RECQL5: variants seen among roughly 807,000 people sequenced by gnomAD.
The protein encoded by RECQL5 is RecQ like helicase 5.
A neutral mutation model predicts 103.4 loss-of-function variants in RECQL5; 88 were observed. That is an observed-to-expected ratio of 0.85 (90% confidence interval 0.72 to 1.02). The LOEUF (loss-of-function observed/expected upper bound fraction) is 1.02. Ranked by LOEUF, RECQL5 falls within the 50% of genes least tolerant of loss-of-function variation. The pLI is 0.00. For missense variants in RECQL5, 1,232 were observed against 1,284.3 expected (o/e 0.96, Z 0.62); for synonymous variants, 552 against 507.9 (o/e 1.09, Z -1.17).
intron 14 of RECQL5, 59 bp from the exon 15 acceptor site, chr17:75,629,901 C>T: frequency 6.5e-7 from 1 of 1,539,068 alleles, no homozygotes; most frequent in Admixed American, 2.0e-5. Context: ...ACATGCCCCA[C>T]CTAGCCCTCC....
intron 8 of RECQL5, among the ~76,000 whole-genome samples, chr17:75,645,794 G>T (rs1403176008): frequency 6.6e-6 from 1 of 152,134 alleles, no homozygotes; most frequent in Non-Finnish European, 1.5e-5. Flanking sequence ...AATCACCTGG[G>T]GATGTGTAAA....
chr17:75,661,209 C>T (rs1003589240), intron 5 of RECQL5, 143 bp from the exon 6 acceptor site: 31 of 678,880 alleles, frequency 4.6e-5, no homozygotes, highest in Non-Finnish European at 7.1e-5. Context: ...TAACATCAGG[C>T]GCTTAACTTT....
At chr17:75,645,854 G>A (rs917062622) in intron 8 of RECQL5, among the ~76,000 whole-genome samples, 11 of 152,262 alleles carry the variant, frequency 7.2e-5, no homozygotes, top group Non-Finnish European at 1.2e-4. Context: ...GGTACCAGGT[G>A]GGGCCTGGGC....
At chr17:75,666,899 A>G in intron 1 of RECQL5, 145 bp downstream of exon 1, 1 of 273,324 alleles carries the variant, frequency 3.7e-6, no homozygotes, top group South Asian at 4.4e-5. Flanking sequence ...AAGATCCACC[A>G]CCTGCTCCTA....
chr17:75,663,562 T>C (rs2059726970), intron 3 of RECQL5, among the ~76,000 whole-genome samples: 1 of 152,136 alleles, frequency 6.6e-6, no homozygotes, highest in African/African-American at 2.4e-5. Context: ...ATTTTTGCTT[T>C]AGGGATGCTC....
intron 1 of RECQL5, 88 bp from the exon 2 acceptor site, chr17:75,666,659 A>T: frequency 7.7e-7 from 1 of 1,293,392 alleles, no homozygotes; most frequent in Non-Finnish European, 1.1e-6. Context: ...TTTCTGTAAC[A>T]ATTTGCTATA....
chr17:75,634,358 C>T, intron 8 of RECQL5: 3 of 557,132 alleles, frequency 5.4e-6, no homozygotes, highest in Non-Finnish European at 6.8e-6. Context: ...CAGCCTCCTG[C>T]ACACACCTGC....
rs563953163 is a variant in RECQL5 at position 75,661,014 on chromosome 17, C to T, written c.927G>A (p.Lys309=). The part of the protein sequence containing the change: ...TLVQNDWMEE[K]VPVIVATISF... ...TAATGGTTGCAACAATTACAGGGAC[C>T]TTCTCCTCCATCCAGTCGTTCTGCA... The change falls in exon 6 of 20, where the codon AAG becomes AAA. Residue 309 remains lysine (K), a synonymous_variant. Coordinates refer to ENST00000317905, the MANE Select transcript of RECQL5 (RefSeq NM_004259.7). 6.2e-6 allele frequency: 10 copies of T among 1,614,204 alleles called. No homozygotes were observed. In the South Asian group the frequency reaches 1.1e-4, roughly 18 times the overall value.
chr17:75,641,515 TGGAAAACCACGC>T (rs1361990061), intron 8 of RECQL5: 4 of 152,614 alleles, frequency 2.6e-5, no homozygotes, highest in Non-Finnish European at 5.9e-5. Context: ...CCACGAAAGC[TGGAAAACCACGC>T]AGAGAAGCAT....
chr17:75,641,197 T>C (rs2059429102), intron 8 of RECQL5: 1 of 349,252 alleles, frequency 2.9e-6, no homozygotes, highest in Non-Finnish European at 5.4e-6. Flanking sequence ...AACAAGGAAG[T>C]AGGGGTCCCC....
Position 75,630,963 on chromosome 17 carries a change from T to A in RECQL5, c.1585+11A>T. ...GAGCCCACAAGCCTCCAGGAACATT[T>A]CTGTACTGACCTGGGGGTACAAATT... On this transcript the variant is annotated intron_variant, in intron 11 of 19. Transcript: ENST00000317905. 1.9e-6 allele frequency: 3 copies of A among 1,613,496 alleles called. No individual in the cohort carries two copies. The African/African-American group carries it at 4.0e-5, about 22-fold the overall frequency.
Position 75,661,017 on chromosome 17 carries a change from C to T in RECQL5, c.924G>A (p.Glu308=), listed in dbSNP as rs1242308713. ...TGGTTGCAACAATTACAGGGACCTT[C>T]TCCTCCATCCAGTCGTTCTGCACCA... The part of the protein sequence containing the change: ...RTLVQNDWME[E]KVPVIVATIS... The change falls in exon 6 of 20, where the codon GAG becomes GAA. Residue 308 remains glutamate, a synonymous_variant. Coordinates refer to ENST00000317905, the MANE Select transcript of RECQL5 (RefSeq NM_004259.7). 1.2e-6 allele frequency: 2 copies of T among 1,614,218 alleles called. No individual in the cohort carries two copies. The highest frequency in any genetic ancestry group is 1.1e-5 in the South Asian group (1 of 91,086).
chr17:75,628,351 T>TGG lies in RECQL5; in HGVS notation c.2671_2672insCC (p.Glu891AlafsTer6), dbSNP rs1350721423. 2 of 1,614,048 alleles carry TGG rather than the reference T, an allele frequency of 1.2e-6. No individual in the cohort carries two copies. Among genetic ancestry groups the TGG allele is most frequent in the Non-Finnish European group, 8.5e-7 (1 of 1,180,034 alleles). On this transcript the variant is annotated frameshift_variant, in exon 18 of 20. Coordinates refer to ENST00000317905, the MANE Select transcript of RECQL5 (RefSeq NM_004259.7). LOFTEE classifies it high-confidence loss of function. Reference sequence around the variant, plus strand: ...AGCCGTGGGATTCAAGGTGCCCTGTTCGCTGGCCGAGACGCTGCCCTTGAC... The same window carrying TGG: ...AGCCGTGGGATTCAAGGTGCCCTGTTGGCGCTGGCCGAGACGCTGCCCTTGAC...
intron 7 of RECQL5, among the ~76,000 whole-genome samples, chr17:75,656,468 T>A: frequency 6.6e-6 from 1 of 151,402 alleles, no homozygotes. Flanking sequence ...TAAATTAAGT[T>A]TTTTTTTTGT....
chr17:75,630,861 T>C (rs1234031313), intron 11 of RECQL5, 24 bp from the exon 12 acceptor site: 2 of 1,470,130 alleles, frequency 1.4e-6, no homozygotes, highest in South Asian at 1.3e-5. Flanking sequence ...GGGTGGTCCT[T>C]GGTCCTTTCG....
In RECQL5 at chr17:75,640,080, C is replaced by A. The variant is rs1028675577; in HGVS notation, c.1230-8412G>T. 4 of 1,347,940 alleles carry A rather than the reference C, an allele frequency of 3.0e-6. No individual in the cohort carries two copies. Among genetic ancestry groups the A allele is most frequent in the Non-Finnish European group, 3.9e-6 (4 of 1,022,530 alleles). 83.5% of individuals were successfully genotyped at this position (1,347,940 alleles called of 1,614,324 possible). A position where few individuals can be genotyped will look rare whatever the true frequency, so the allele number is the denominator to read the frequency against. On this transcript the variant is annotated intron_variant, in intron 8 of 19. Coordinates refer to ENST00000317905, the MANE Select transcript of RECQL5 (RefSeq NM_004259.7). The surrounding 1 kb of genome is among the most constrained non-coding windows in gnomAD (Gnocchi z 4.6). ...CCTGACAAACTTGTTCTGCGGGCTG[C>A]GGATGGGTGCGAGGGTGGAATCTCG...
intron 6 of RECQL5, among the ~76,000 whole-genome samples, chr17:75,660,249 T>G (rs908797140): frequency 2.0e-5 from 3 of 152,088 alleles, no homozygotes; most frequent in Admixed American, 6.6e-5. Flanking sequence ...ATGTATTTTT[T>G]GTAGAGATGG....
At position 75,627,280 on chromosome 17, in the gene RECQL5, T is replaced by G; in HGVS notation, c.*142A>C. ...CTCTGACCTGGATTCAGGGGGTGTCTGGGGTCATCCCCAAAGCCAAGTATG... is the reference window on the plus strand; with the variant it reads ...CTCTGACCTGGATTCAGGGGGTGTCGGGGGTCATCCCCAAAGCCAAGTATG... On this transcript the variant is annotated 3_prime_UTR_variant, in exon 20 of 20. Coordinates refer to ENST00000317905, the MANE Select transcript of RECQL5 (RefSeq NM_004259.7). 2.7e-6 allele frequency: 2 copies of G among 737,046 alleles called. No individual in the cohort carries two copies. The highest frequency in any genetic ancestry group is 4.8e-6 in the Non-Finnish European group (2 of 414,394). The allele number at this position is 737,046 out of a possible 1,614,324, so 45.7% of individuals were successfully genotyped here. A position where few individuals can be genotyped will look rare whatever the true frequency, so the allele number is the denominator to read the frequency against.
chr17:75,647,254 C>A, intron 8 of RECQL5: 2 of 812,738 alleles, frequency 2.5e-6, no homozygotes, highest in Non-Finnish European at 3.8e-6. Context: ...GGCTGCCAGG[C>A]GGGCCGGCTG....
Sources: allele counts gnomAD v4.1 joint callset (sites outside exome capture counted in the v4.1 genomes callset), GRCh38; gene constraint gnomAD v4.1.1; non-coding constraint Gnocchi (gnomAD v3.1); transcripts MANE v1.5; gene names NCBI Gene and HGNC (gene_info 2026-07-23, HGNC 2026-07-21).